NFIB: variants seen among roughly 807,000 people sequenced by gnomAD.
NFIB encodes nuclear factor 1 B-type.
A neutral mutation model predicts 61.5 loss-of-function variants in NFIB; 11 were observed. The observed-to-expected ratio is 0.18, with a 90% CI of 0.11 to 0.30. The LOEUF (loss-of-function observed/expected upper bound fraction) is 0.30, where lower values mean the gene tolerates loss of function less well. Ranked by LOEUF, NFIB falls within the 10% of genes least tolerant of loss-of-function variation. NFIB has a pLI of 1.00. For synonymous variants in NFIB, 260 were observed against 216.5 expected (o/e 1.20, Z -1.76); for missense variants, 471 against 608.9 (o/e 0.77, Z 2.38).
chr9:14,186,973 C>A (rs1246103748), intron 2 of NFIB, among the ~76,000 whole-genome samples: 2 of 145,538 alleles, frequency 1.4e-5, no homozygotes, highest in African/African-American at 5.5e-5. Context: ...GAAATGGTTT[C>A]TCTCTCTCTC....
intron 2 of NFIB, among the ~76,000 whole-genome samples, chr9:14,253,056 T>C (rs1299021825): frequency 3.9e-5 from 6 of 152,216 alleles, no homozygotes; most frequent in African/African-American, 1.4e-4. Context: ...TGCTTCATAA[T>C]TTTCATTCAT....
At chr9:14,283,001 G>A (rs1460662899) in intron 2 of NFIB, among the ~76,000 whole-genome samples, 2 of 152,184 alleles carry the variant, frequency 1.3e-5, no homozygotes, top group Non-Finnish European at 1.5e-5. Flanking sequence ...CATAGTAAGT[G>A]CTTAATAAAT....
intron 2 of NFIB, among the ~76,000 whole-genome samples, chr9:14,262,220 G>C (rs2056824712): frequency 6.6e-6 from 1 of 152,182 alleles, no homozygotes; most frequent in Non-Finnish European, 1.5e-5. Context: ...TTGATTGTGA[G>C]GGTCAGTTTG....
chr9:14,400,379 C>A (rs1238973930), upstream of NFIB, among the ~76,000 whole-genome samples: 2 of 152,158 alleles, frequency 1.3e-5, no homozygotes, highest in East Asian at 1.9e-4. Context: ...CCAAGGCTGA[C>A]ACCAAGGAGA....
the NFIB span, among the ~76,000 whole-genome samples, chr9:14,462,305 C>CA: frequency 1.3e-5 from 2 of 150,008 alleles, no homozygotes; most frequent in African/African-American, 4.9e-5. Flanking sequence ...TTTTTTCAGA[C>CA]AGAGTCTTGC....
At chr9:14,417,073 T>C in the NFIB span, among the ~76,000 whole-genome samples, 6 of 151,470 alleles carry the variant, frequency 4.0e-5, no homozygotes, top group Non-Finnish European at 7.4e-5. Flanking sequence ...TTTGTATCTT[T>C]AGTAGAGACA....
At chr9:14,094,647 G>A (rs2034503136) in intron 10 of NFIB, among the ~76,000 whole-genome samples, 1 of 152,052 alleles carries the variant, frequency 6.6e-6, no homozygotes, top group African/African-American at 2.4e-5. Context: ...TACCTGAACT[G>A]CAAAGTACTC....
the NFIB span, among the ~76,000 whole-genome samples, chr9:14,492,091 C>T: frequency 6.6e-5 from 10 of 152,140 alleles, no homozygotes; most frequent in African/African-American, 1.7e-4. Flanking sequence ...GAGCCGAGCG[C>T]GGTGGCTCAA....
intron 2 of NFIB, among the ~76,000 whole-genome samples, chr9:14,258,199 CTCTGA>C (rs1188461451): frequency 1.3e-5 from 2 of 152,336 alleles, no homozygotes; most frequent in African/African-American, 4.8e-5. Context: ...TTTATAACTG[CTCTGA>C]TCTAACAGAG....
rs1368816304 is a variant in NFIB, at chr9:14,084,304, A to T, written c.*4005T>A. ...AACATGGGAATTTTAATTTAAAAAA[A>T]ATTCTTAACAAAACTATACAGTGTA... is the stretch of plus-strand genomic sequence containing the variant. On this transcript the variant is annotated 3_prime_UTR_variant, in exon 11 of 11. Transcript: ENST00000380953. 2.9e-5 allele frequency: 6 copies of T among 207,708 alleles called. No homozygotes were observed. The highest frequency in any genetic ancestry group is 5.9e-5 in the Non-Finnish European group (6 of 101,710). 12.9% of individuals were successfully genotyped at this position (207,708 alleles called of 1,614,324 possible).
At position 14,082,065 on chromosome 9, in the gene NFIB, A is replaced by T. The variant is rs1221035492; in HGVS notation, c.*6244T>A. 9.5e-6 allele frequency: 2 copies of T among 210,792 alleles called. No individual in the cohort carries two copies. The highest frequency in any genetic ancestry group is 1.9e-5 in the Non-Finnish European group (2 of 103,568). The allele number at this position is 210,792 out of a possible 1,614,324, so 13.1% of individuals were successfully genotyped here. On this transcript the variant is annotated 3_prime_UTR_variant, in exon 11 of 11. Transcript: ENST00000380953. ...AGTACCCAAAGAACGTTATCCTCCAACCGGGCACAATAAAACCTTCACTAA... is the reference window on the plus strand; with the variant it reads ...AGTACCCAAAGAACGTTATCCTCCATCCGGGCACAATAAAACCTTCACTAA...
chr9:14,525,038 C>T, the NFIB span, among the ~76,000 whole-genome samples: 1 of 152,182 alleles, frequency 6.6e-6, no homozygotes, highest in Admixed American at 6.5e-5. Flanking sequence ...CCCCAGATGG[C>T]TTATGACTAT....
intron 3 of NFIB, among the ~76,000 whole-genome samples, chr9:14,157,824 T>C (rs549425923): frequency 3.1e-4 from 47 of 152,218 alleles, no homozygotes; most frequent in African/African-American, 1.1e-3. Flanking sequence ...TTATATAGGG[T>C]AAACTTAATA....
chr9:14,100,575 T>A lies in NFIB; in HGVS notation c.1468-12249A>T, dbSNP rs1017029710. On this transcript the variant is annotated intron_variant, in intron 10 of 10. Coordinates refer to ENST00000380953, the MANE Select transcript of NFIB (RefSeq NM_001190737.2). ...ATACAAAAAAATTAGCCGGGCGTGG[T>A]GGCGGGCGCCTGTAGTCCCAGCTAC... Among the ~76,000 whole-genome samples, 8 of 152,212 alleles carry A rather than the reference T, an allele frequency of 5.3e-5. No individual in the cohort carries two copies. In the East Asian group the frequency reaches 1.4e-3, roughly 26 times the overall value.
At chr9:14,208,022 T>C (rs1042139878) in intron 2 of NFIB, among the ~76,000 whole-genome samples, 3 of 152,190 alleles carry the variant, frequency 2.0e-5, no homozygotes, top group South Asian at 2.1e-4. Flanking sequence ...GCATGATGAC[T>C]TGAAAAGATG....
intron 2 of NFIB, among the ~76,000 whole-genome samples, chr9:14,190,883 G>A (rs1340466410): frequency 6.6e-6 from 1 of 152,146 alleles, no homozygotes; most frequent in East Asian, 1.9e-4. Context: ...GTCACTTAAA[G>A]AGAACAGTTT....
the NFIB span, among the ~76,000 whole-genome samples, chr9:14,467,267 G>C: frequency 6.6e-6 from 1 of 152,116 alleles, no homozygotes; most frequent in East Asian, 1.9e-4. Context: ...TTTAATCCTT[G>C]ACCTCCACCT....
the NFIB span, among the ~76,000 whole-genome samples, chr9:14,470,518 G>T: frequency 1.3e-5 from 2 of 152,084 alleles, no homozygotes; most frequent in African/African-American, 2.4e-5. Context: ...CTCCATAAGG[G>T]CCAGATGGTC....
chr9:14,248,317 CCTTCCTTCCTTT>C (rs1318507480), intron 2 of NFIB, among the ~76,000 whole-genome samples: 1 of 151,380 alleles, frequency 6.6e-6, no homozygotes, highest in Non-Finnish European at 1.5e-5. Flanking sequence ...CCCTCCCCTC[CCTTCCTTCCTTT>C]CTTCCTTCCT....
Sources: allele counts gnomAD v4.1 joint callset (sites outside exome capture counted in the v4.1 genomes callset), GRCh38; gene constraint gnomAD v4.1.1; transcripts MANE v1.5; gene names NCBI Gene and HGNC (gene_info 2026-07-23, HGNC 2026-07-21).